The following MGAT5 variants were observed in gnomAD, a reference collection of about 807,000 sequenced individuals.
MGAT5 encodes alpha-1,6-mannosylglycoprotein 6-beta-N-acetylglucosaminyltransferase A.
A neutral mutation model predicts 94.3 loss-of-function variants in MGAT5; 30 were observed. The ratio of observed to expected loss-of-function variants is 0.32; its 90% CI spans 0.24 to 0.43. The LOEUF (loss-of-function observed/expected upper bound fraction) is 0.43. MGAT5 is among the 20% of genes least tolerant of loss of function. The probability of loss-of-function intolerance (pLI) is 1.00; values close to 1 mark genes in which losing one functional copy is unlikely to be tolerated. For missense variants in MGAT5, 691 were observed against 905.5 expected, an observed-to-expected ratio of 0.76 and a Z score of 3.04; for synonymous variants, 310 against 322.9, an observed-to-expected ratio of 0.96 and a Z score of 0.43.
At chr2:134,260,411 T>G (rs375916192) in intron 1 of MGAT5, among the ~76,000 whole-genome samples, 69 of 152,308 alleles carry the variant, frequency 4.5e-4, no homozygotes, top group African/African-American at 1.6e-3. Flanking sequence ...TGGGATGCTA[T>G]GTCTAAGATG....
intron 10 of MGAT5, among the ~76,000 whole-genome samples, chr2:134,399,633 C>G (rs1682922281): frequency 6.6e-6 from 1 of 152,146 alleles, no homozygotes; most frequent in East Asian, 1.9e-4. Context: ...AGTGCAGGCC[C>G]TTTTTGACTG....
intron 1 of MGAT5, among the ~76,000 whole-genome samples, chr2:134,148,074 A>G (rs1687006022): frequency 1.3e-5 from 2 of 152,244 alleles, no homozygotes; most frequent in South Asian, 4.1e-4. Flanking sequence ...CCGTATCACA[A>G]TGGAAAAATA....
intron 1 of MGAT5, among the ~76,000 whole-genome samples, chr2:134,126,616 T>A (rs538762288): frequency 2.0e-5 from 3 of 152,368 alleles, no homozygotes; most frequent in Non-Finnish European, 4.4e-5. Flanking sequence ...TTTGTATGTT[T>A]AGAAATAAAA....
intron 2 of MGAT5, among the ~76,000 whole-genome samples, chr2:134,292,660 T>C (rs1685445768): frequency 2.6e-5 from 4 of 152,152 alleles, no homozygotes; most frequent in Non-Finnish European, 5.9e-5. Context: ...CATTACTAGG[T>C]GTGGTGGTGT....
chr2:134,177,065 G>A (rs114475253), intron 1 of MGAT5, among the ~76,000 whole-genome samples: 2,161 of 143,846 alleles, frequency 0.015, 23 homozygotes, highest in Non-Finnish European at 0.021. Flanking sequence ...TACCCCCTCA[G>A]CCACCATGAC....
At chr2:134,400,901 G>A (rs1683011669) in intron 10 of MGAT5, among the ~76,000 whole-genome samples, 3 of 152,136 alleles carry the variant, frequency 2.0e-5, no homozygotes, top group African/African-American at 7.2e-5. Flanking sequence ...AAAATATGGG[G>A]TGGGGTCTGG....
In MGAT5 at chr2:134,338,269, G is replaced by A. The variant is rs780288207; in HGVS notation, c.656G>A (p.Arg219His). Residue 219 changes from arginine to histidine, a missense_variant, in exon 6 of 16, where the codon CGT (arginine) becomes CAT (histidine). Coordinates refer to ENST00000281923, the MANE Select transcript of MGAT5 (RefSeq NM_002410.5). ...AATTTCTGTTGCTAGGCGGAAATTC[G>A]TACAGATTTTAATATTCTCTACAGT... Reference protein sequence around the residue: ...EADHNSLAEIRTDFNILYSMM... With the variant: ...EADHNSLAEIHTDFNILYSMM... 13 of 1,586,078 alleles carry A rather than the reference G, an allele frequency of 8.2e-6. No individual in the cohort carries two copies. Among genetic ancestry groups the A allele is most frequent in the Admixed American group, 1.8e-5 (1 of 54,428 alleles).
At chr2:134,292,192 A>G (rs1371829134) in intron 2 of MGAT5, among the ~76,000 whole-genome samples, 1 of 152,164 alleles carries the variant, frequency 6.6e-6, no homozygotes, top group Admixed American at 6.5e-5. Context: ...TGGTTTTCAG[A>G]TTGCGTCTGG....
intron 1 of MGAT5, among the ~76,000 whole-genome samples, chr2:134,198,398 C>T (rs1679602794): frequency 6.6e-6 from 1 of 152,198 alleles, no homozygotes; most frequent in Admixed American, 6.5e-5. Context: ...AATTACCAAG[C>T]AAGGAGCAGG....
Position 134,365,613 on chromosome 2 carries a change from C to G in MGAT5, c.1380+3205C>G, listed in dbSNP as rs765189076. Reference sequence around the variant, plus strand: ...ATTCCTCCACAAGGAGAGGCACCACCCTGACAGAATTAGGGTGCAGTGGAG... The same window carrying G: ...ATTCCTCCACAAGGAGAGGCACCACGCTGACAGAATTAGGGTGCAGTGGAG... On this transcript the variant is annotated intron_variant, in intron 10 of 15. Transcript: ENST00000281923. Among the ~76,000 whole-genome samples, 13 of 152,016 alleles carry G rather than the reference C, an allele frequency of 8.6e-5. 1 individual carries two copies. The highest frequency in any genetic ancestry group is 1.4e-4 in the African/African-American group (6 of 41,398).
chr2:134,351,196 C>T (rs978077816), intron 9 of MGAT5, among the ~76,000 whole-genome samples: 1 of 152,188 alleles, frequency 6.6e-6, no homozygotes, highest in African/African-American at 2.4e-5. Flanking sequence ...CTATTACACA[C>T]CGTCCCTGGG....
chr2:134,304,576 A>G (rs187290983), intron 2 of MGAT5, among the ~76,000 whole-genome samples: 2 of 152,318 alleles, frequency 1.3e-5, no homozygotes, highest in East Asian at 1.9e-4. Flanking sequence ...TTCCAGGATT[A>G]TAAGAATACT....
intron 4 of MGAT5, among the ~76,000 whole-genome samples, chr2:134,330,660 A>G (rs1239176540): frequency 6.6e-6 from 1 of 151,798 alleles, no homozygotes; most frequent in Admixed American, 6.6e-5. Flanking sequence ...TATTCTCTTA[A>G]TGTTCATTGT....
chr2:134,277,283 A>G (rs1684436931), intron 2 of MGAT5, among the ~76,000 whole-genome samples: 1 of 152,114 alleles, frequency 6.6e-6, no homozygotes, highest in Non-Finnish European at 1.5e-5. Flanking sequence ...ATATTAGTCC[A>G]TTTTTACAGT....
intron 1 of MGAT5, among the ~76,000 whole-genome samples, chr2:134,140,500 C>T (rs1037800232): frequency 6.6e-6 from 1 of 152,186 alleles, no homozygotes. Context: ...GCGTGACTGC[C>T]AGCTCTAAAA....
chr2:134,256,411 A>C (rs554781223), intron 1 of MGAT5, among the ~76,000 whole-genome samples: 1 of 151,012 alleles, frequency 6.6e-6, no homozygotes, highest in Non-Finnish European at 1.5e-5. Flanking sequence ...GTTACAGCTC[A>C]GTGGTAATTT....
rs987095021 is a variant in MGAT5, at chr2:134,224,514, C to T, written c.-142-29748C>T. On this transcript the variant is annotated intron_variant, in intron 1 of 16. Coordinates refer to the MGAT5 transcript ENST00000409645. ...TGTGGCCCCCAAATATTAGGATCTC[C>T]GGCCTGGGTTATTTAGAAAGCCCTT... Among the ~76,000 whole-genome samples, 9 of 152,196 alleles carry T rather than the reference C, an allele frequency of 5.9e-5. No homozygotes were observed. The East Asian group carries it at 1.7e-3, about 29-fold the overall frequency.
chr2:134,305,538 TAC>T (rs1436605069), intron 2 of MGAT5, among the ~76,000 whole-genome samples: 1 of 152,140 alleles, frequency 6.6e-6, no homozygotes, highest in Non-Finnish European at 1.5e-5. Context: ...AATACAAATA[TAC>T]ACACATAAAC....
intron 1 of MGAT5, among the ~76,000 whole-genome samples, chr2:134,204,995 A>G (rs532783253): frequency 3.9e-5 from 6 of 152,344 alleles, no homozygotes; most frequent in Admixed American, 1.3e-4. Flanking sequence ...GATAATACAT[A>G]GACCTGCAGG....
Sources: allele counts gnomAD v4.1 joint callset (sites outside exome capture counted in the v4.1 genomes callset), GRCh38; gene constraint gnomAD v4.1.1; transcripts MANE v1.5; gene names NCBI Gene and HGNC (gene_info 2026-07-23, HGNC 2026-07-21).